The following PLEKHA5 variants were observed in gnomAD, a reference collection of about 807,000 sequenced individuals.
The protein encoded by PLEKHA5 is pleckstrin homology domain-containing family A member 5.
PLEKHA5 carries 55 observed loss-of-function variants against 181.9 expected under a neutral mutation model. The observed-to-expected ratio is 0.30, with a 90% CI of 0.24 to 0.38. PLEKHA5 has a LOEUF of 0.38. PLEKHA5 is among the 10% of genes least tolerant of loss of function. The pLI is 1.00. For synonymous variants in PLEKHA5, 535 were observed against 529.4 expected, an observed-to-expected ratio of 1.01 and a Z score of -0.15; for missense variants, 1,432 against 1,549.5, an observed-to-expected ratio of 0.92 and a Z score of 1.27.
At position 19,336,795 on chromosome 12, in the gene PLEKHA5, TTG is replaced by T. The variant is rs1473991510; in HGVS notation, c.2550+181_2550+182del. Among the ~76,000 whole-genome samples the T allele has an allele frequency of 4.6e-5, 7 of 152,196 alleles. No individual in the cohort carries two copies. The South Asian group carries it at 1.0e-3, about 23-fold the overall frequency. ...ATCTCACAAAGGAGACCATCCCCTC[TTG>T]TTTAAGAGTTCTTTGTTCTGTTGGG... On this transcript the variant is annotated intron_variant, in intron 21 of 31. Coordinates refer to ENST00000429027, the MANE Select transcript of PLEKHA5 (RefSeq NM_001256470.2).
chr12:19,194,368 C>T (rs984542378), intron 3 of PLEKHA5, among the ~76,000 whole-genome samples: 54 of 152,112 alleles, frequency 3.6e-4, no homozygotes, highest in African/African-American at 8.7e-4. Flanking sequence ...AGATTGATTC[C>T]GTATCTTTGC....
chr12:19,135,130 T>G (rs2035221414), intron 3 of PLEKHA5, among the ~76,000 whole-genome samples: 1 of 152,206 alleles, frequency 6.6e-6, no homozygotes. Context: ...TTTCAGTTGT[T>G]TCTGCTTCCA....
In PLEKHA5 at chr12:19,372,431, T is replaced by A. The variant is rs2153338079; in HGVS notation, c.*11+2633T>A. 4 of 151,244 alleles carry A rather than the reference T, an allele frequency of 2.6e-5. No individual in the cohort carries two copies. In the South Asian group the frequency reaches 8.4e-4, roughly 32 times the overall value. The allele number at this position is 151,244 out of a possible 1,614,324, so 9.4% of individuals were successfully genotyped here. A position where few individuals can be genotyped will look rare whatever the true frequency, so the allele number is the denominator to read the frequency against. On this transcript the variant is annotated intron_variant, in intron 31 of 31. Transcript: ENST00000429027. ...TTTTTTCTTGCTGATTTGTTTTGAG[T>A]TCCTTCCAGATTCTGGATATTAGTC...
At chr12:19,251,406 CAAAAAAAAAAA>C (rs35113109) in intron 3 of PLEKHA5, among the ~76,000 whole-genome samples, 1 of 124,758 alleles carries the variant, frequency 8.0e-6, no homozygotes, top group Non-Finnish European at 1.7e-5. Context: ...AACTCTGTCT[CAAAAAAAAAAA>C]AAAAGAAAAG....
chr12:19,310,767 G>T (rs1301353547), intron 15 of PLEKHA5, among the ~76,000 whole-genome samples: 1 of 152,096 alleles, frequency 6.6e-6, no homozygotes, highest in Non-Finnish European at 1.5e-5. Context: ...AAATTAGCTG[G>T]GCGTGGTTTT....
Position 19,190,055 on chromosome 12 carries a change from G to A in PLEKHA5, c.227+57605G>A, listed in dbSNP as rs540509512. Among the ~76,000 whole-genome samples the A allele has an allele frequency of 3.9e-5, 6 of 152,058 alleles. No homozygotes were observed. In the East Asian group the frequency reaches 7.7e-4, roughly 20 times the overall value. ...CGCTTCTTCATTTCCTCCTTGTGTC[G>A]TATATTTTAAAAGTTATTATTCAGC... On this transcript the variant is annotated intron_variant, in intron 3 of 31. Coordinates refer to ENST00000429027, the MANE Select transcript of PLEKHA5 (RefSeq NM_001256470.2).
chr12:19,130,910 C>CGG lies in PLEKHA5; in HGVS notation c.169+780_169+781insGG, dbSNP rs2033596799. 6.6e-6 allele frequency: 1 copy of CGG among 152,192 alleles called. No homozygotes were observed. The highest frequency in any genetic ancestry group is 6.5e-5 in the Admixed American group (1 of 15,272). The allele number at this position is 152,192 out of a possible 1,614,324, so 9.4% of individuals were successfully genotyped here. On this transcript the variant is annotated intron_variant, in intron 2 of 31. Transcript: ENST00000429027. This position sits in a 1 kb window ranked among gnomAD's most constrained non-coding sequence, Gnocchi z 4.5. ...GGCGGTGGGCGTGCGAGGGGGTGTC[C>CGG]CGTATGGGGGCACCCGGGCCCTGTT...
chr12:19,220,485 A>C (rs1459794571), intron 3 of PLEKHA5, among the ~76,000 whole-genome samples: 1 of 152,190 alleles, frequency 6.6e-6, no homozygotes, highest in East Asian at 1.9e-4. Context: ...CTCATTTTAA[A>C]CAATACAACT....
At chr12:19,193,684 C>A (rs543910407) in intron 3 of PLEKHA5, among the ~76,000 whole-genome samples, 2 of 152,262 alleles carry the variant, frequency 1.3e-5, no homozygotes, top group East Asian at 3.9e-4. Context: ...CTCCTACCCT[C>A]CCATCCCTCT....
intron 12 of PLEKHA5, among the ~76,000 whole-genome samples, chr12:19,286,038 G>T (rs905984416): frequency 6.6e-6 from 1 of 152,192 alleles, no homozygotes; most frequent in Non-Finnish European, 1.5e-5. Context: ...ACAACTGACA[G>T]TATTTGTTAC....
chr12:19,317,921 C>CTTTTTTT (rs71064082), intron 16 of PLEKHA5, among the ~76,000 whole-genome samples: 19 of 67,504 alleles, frequency 2.8e-4, no homozygotes, highest in Non-Finnish European at 3.6e-4. Context: ...CAAACCAAAC[C>CTTTTTTT]TTTTTTTTTT....
intron 10 of PLEKHA5, among the ~76,000 whole-genome samples, chr12:19,274,130 C>T (rs1204921292): frequency 6.6e-6 from 1 of 152,210 alleles, no homozygotes; most frequent in Non-Finnish European, 1.5e-5. Context: ...CATGAGTCAA[C>T]AAGCAGCTAA....
At chr12:19,211,146 A>G (rs978407865) in intron 3 of PLEKHA5, among the ~76,000 whole-genome samples, 2 of 152,190 alleles carry the variant, frequency 1.3e-5, no homozygotes, top group African/African-American at 2.4e-5. Context: ...TACCAAAGAT[A>G]TGAATAAGAT....
chr12:19,159,880 A>G (rs2042578001), intron 3 of PLEKHA5, among the ~76,000 whole-genome samples: 1 of 152,164 alleles, frequency 6.6e-6, no homozygotes, highest in Non-Finnish European at 1.5e-5. Context: ...ATATACAGGA[A>G]TGCATGGTCA....
In PLEKHA5 at chr12:19,132,083, C is replaced by T. The variant is rs145855421; in HGVS notation, c.170-310C>T. Among the ~76,000 whole-genome samples the T allele has an allele frequency of 7.4e-4, 113 of 152,094 alleles. 1 individual carries two copies. In the East Asian group the frequency reaches 0.016, roughly 22 times the overall value. ...TTTTTGCTAGTCATTCATGAGTGTT[C>T]CACCTGGGATGAGAAGGCTTCCCTT... On this transcript the variant is annotated intron_variant, in intron 2 of 31. Coordinates refer to ENST00000429027, the MANE Select transcript of PLEKHA5 (RefSeq NM_001256470.2).
intron 3 of PLEKHA5, among the ~76,000 whole-genome samples, chr12:19,251,326 G>A (rs2065212052): frequency 6.6e-6 from 1 of 150,768 alleles, no homozygotes; most frequent in South Asian, 2.1e-4. Context: ...AGGATCCTTT[G>A]AACCCAGGAG....
rs2094753170 is a variant in PLEKHA5, at chr12:19,353,899, T to C, written c.3035T>C (p.Val1012Ala). 6.3e-7 allele frequency: 1 copy of C among 1,579,160 alleles called. No homozygotes were observed. Residue 1012 changes from valine (V) to alanine (A), a missense_variant, in exon 26 of 32, where the codon GTT becomes GCT. By Grantham distance (64) the Val-to-Ala change is moderately conservative (BLOSUM62 0). Around this residue, in one of 2 missense-constraint regions of PLEKHA5, gnomAD observed 1,143 missense variants for 1,168.4 expected, o/e 0.98. Transcript: ENST00000429027. The stretch of plus-strand genomic sequence containing the variant: ...TAATTTTTAGGTTCCCACTTTCCTG[T>C]TGGAGTAGTCCCTCCAAGAGCAAAA... ...TSVVKGSHFP[V>A]GVVPPRAKSP...
intron 15 of PLEKHA5, among the ~76,000 whole-genome samples, chr12:19,295,049 T>C (rs1373548314): frequency 6.6e-6 from 1 of 152,250 alleles, no homozygotes; most frequent in Non-Finnish European, 1.5e-5. Flanking sequence ...TCCACATTTA[T>C]ATAAGACTAG....
At chr12:19,354,082 C>T in intron 26 of PLEKHA5, 80 bp downstream of exon 26, 2 of 378,342 alleles carry the variant, frequency 5.3e-6, no homozygotes, top group Non-Finnish European at 9.6e-6. Context: ...TTTTCAGTGT[C>T]TTATCAAAAT....
Sources: allele counts gnomAD v4.1 joint callset (sites outside exome capture counted in the v4.1 genomes callset), GRCh38; gene constraint gnomAD v4.1.1; regional missense constraint gnomAD v4.1.1; non-coding constraint Gnocchi (gnomAD v3.1); transcripts MANE v1.5; gene names NCBI Gene and HGNC (gene_info 2026-07-23, HGNC 2026-07-21).